The following KCND2 variants were observed in gnomAD, a reference collection of about 807,000 sequenced individuals.
The protein encoded by KCND2 is potassium voltage-gated channel subfamily D member 2.
KCND2 carries 16 observed loss-of-function variants against 54.4 expected under a neutral mutation model. The ratio of observed to expected loss-of-function variants is 0.29; its 90% CI spans 0.20 to 0.45. The LOEUF (loss-of-function observed/expected upper bound fraction) is 0.45, where lower values mean the gene tolerates loss of function less well. Ranked by LOEUF, KCND2 falls within the 20% of genes least tolerant of loss-of-function variation. KCND2 has a pLI of 1.00. For missense variants in KCND2, 486 were observed against 824.2 expected, an observed-to-expected ratio of 0.59 and a Z score of 5.02; for synonymous variants, 317 against 310.7, an observed-to-expected ratio of 1.02 and a Z score of -0.21.
At chr7:120,511,463 G>GAA (rs1198720420) in intron 1 of KCND2, among the ~76,000 whole-genome samples, 3 of 152,056 alleles carry the variant, frequency 2.0e-5, no homozygotes, top group African/African-American at 7.2e-5. Context: ...GATATTTGCT[G>GAA]AATGAATAAT....
intron 1 of KCND2, among the ~76,000 whole-genome samples, chr7:120,732,229 G>A (rs1584900153): frequency 6.6e-6 from 1 of 152,152 alleles, no homozygotes; most frequent in East Asian, 1.9e-4. Context: ...AAGGGGAAAG[G>A]AGGCAGAAAA....
intron 1 of KCND2, among the ~76,000 whole-genome samples, chr7:120,617,204 C>G (rs1372307295): frequency 6.6e-6 from 1 of 152,126 alleles, no homozygotes; most frequent in Non-Finnish European, 1.5e-5. Context: ...CATCACATTC[C>G]TCTGGATGAC....
intron 1 of KCND2, among the ~76,000 whole-genome samples, chr7:120,459,871 C>T (rs145524920): frequency 6.5e-4 from 99 of 152,302 alleles, no homozygotes; most frequent in Non-Finnish European, 1.1e-3. Context: ...TCTTCTTCTT[C>T]CCAAAGTAAA....
At chr7:120,648,416 A>T (rs1394009832) in intron 1 of KCND2, among the ~76,000 whole-genome samples, 1 of 152,146 alleles carries the variant, frequency 6.6e-6, no homozygotes, top group Admixed American at 6.6e-5. Context: ...AAAATGAAGG[A>T]ATATATGCTA....
intron 1 of KCND2, among the ~76,000 whole-genome samples, chr7:120,459,921 G>A (rs1027308906): frequency 6.6e-6 from 1 of 152,142 alleles, no homozygotes; most frequent in Non-Finnish European, 1.5e-5. Flanking sequence ...AAATATCAGA[G>A]AACATAGAAG....
intron 1 of KCND2, among the ~76,000 whole-genome samples, chr7:120,681,367 A>C (rs779220525): frequency 1.8e-4 from 28 of 152,038 alleles, no homozygotes; most frequent in Non-Finnish European, 3.7e-4. Context: ...ATTGATAGTA[A>C]GGATGATTTT....
chr7:120,301,666 T>C (rs1228187932), intron 1 of KCND2, among the ~76,000 whole-genome samples: 1 of 152,192 alleles, frequency 6.6e-6, no homozygotes, highest in African/African-American at 2.4e-5. Context: ...CCACAAAATA[T>C]ACGAAAATTT....
In KCND2 at chr7:120,678,967, C is replaced by T. The variant is rs551032469; in HGVS notation, c.1116-53936C>T. Among the ~76,000 whole-genome samples the T allele has an allele frequency of 3.3e-5, 5 of 151,524 alleles. No individual in the cohort carries two copies. The East Asian group carries it at 9.7e-4, about 29-fold the overall frequency. ...CTAAAATATTGATATTGCTCTTAAA[C>T]ATTAAACTCTTCGAAGATACTAAAT... On this transcript the variant is annotated intron_variant, in intron 1 of 5. Transcript: ENST00000331113.
chr7:120,566,343 C>CT (rs571325177), intron 1 of KCND2, among the ~76,000 whole-genome samples: 14 of 150,842 alleles, frequency 9.3e-5, no homozygotes, highest in Admixed American at 1.3e-4. Flanking sequence ...GATATTTTGC[C>CT]TTTTTTTTTC....
At chr7:120,552,366 G>A (rs1469133697) in intron 1 of KCND2, among the ~76,000 whole-genome samples, 1 of 152,178 alleles carries the variant, frequency 6.6e-6, no homozygotes, top group Non-Finnish European at 1.5e-5. Context: ...AGGGGAGGAA[G>A]TATATATTTT....
intron 1 of KCND2, among the ~76,000 whole-genome samples, chr7:120,550,315 G>A (rs1312062926): frequency 1.3e-5 from 2 of 151,862 alleles, no homozygotes; most frequent in African/African-American, 2.4e-5. Flanking sequence ...ACCAATGGGG[G>A]AAAAAAATGA....
intron 1 of KCND2, among the ~76,000 whole-genome samples, chr7:120,530,127 C>T (rs1791824877): frequency 6.6e-6 from 1 of 152,056 alleles, no homozygotes; most frequent in African/African-American, 2.4e-5. Flanking sequence ...CATAGCACAA[C>T]AGATTGACTA....
At chr7:120,395,652 G>T (rs10225134) in intron 1 of KCND2, among the ~76,000 whole-genome samples, 48,955 of 151,880 alleles carry the variant, frequency 0.32, 10,907 homozygotes, top group African/African-American at 0.62. Flanking sequence ...TATATGCTAA[G>T]TAAGAGGCAG....
rs990997352 is a variant in KCND2, at chr7:120,274,365, A to C, written c.-268A>C. 37 of 566,622 alleles carry C rather than the reference A, an allele frequency of 6.5e-5. 1 individual carries two copies. The East Asian group carries it at 1.1e-3, about 17-fold the overall frequency. The allele number at this position is 566,622 out of a possible 1,614,324, so 35.1% of individuals were successfully genotyped here. A position where few individuals can be genotyped will look rare whatever the true frequency, so the allele number is the denominator to read the frequency against. On this transcript the variant is annotated 5_prime_UTR_variant, in exon 1 of 6. Coordinates refer to ENST00000331113, the MANE Select transcript of KCND2 (RefSeq NM_012281.3). ...CCAGAGGGTGGCCTAGCCCACCTGC[A>C]GGAAGAGATTTGGCTGGGTTCTGTT...
At chr7:120,502,159 C>A (rs73437825) in intron 1 of KCND2, among the ~76,000 whole-genome samples, 7,987 of 152,018 alleles carry the variant, frequency 0.053, 718 homozygotes, top group African/African-American at 0.18. Context: ...CAAACTCGGT[C>A]CCATATAATA....
chr7:120,459,696 T>C lies in KCND2; in HGVS notation c.1115+183949T>C, dbSNP rs557473914. On this transcript the variant is annotated intron_variant, in intron 1 of 5. Coordinates refer to ENST00000331113, the MANE Select transcript of KCND2 (RefSeq NM_012281.3). Reference sequence around the variant, plus strand: ...TTGAATAATAAGCGTCTACCAGTTATGTGAACAGACCCCAAATGAAGGATA... The same window carrying C: ...TTGAATAATAAGCGTCTACCAGTTACGTGAACAGACCCCAAATGAAGGATA... Among the ~76,000 whole-genome samples the C allele has an allele frequency of 2.0e-4, 30 of 152,326 alleles. No homozygotes were observed. The South Asian group carries it at 6.2e-3, about 32-fold the overall frequency.
intron 2 of KCND2, among the ~76,000 whole-genome samples, chr7:120,740,547 C>T (rs778066223): frequency 7.9e-5 from 12 of 151,992 alleles, no homozygotes; most frequent in African/African-American, 2.4e-4. Context: ...GAAGGGAAAA[C>T]GAGACTGTTT....
chr7:120,373,046 A>G (rs954789154), intron 1 of KCND2, among the ~76,000 whole-genome samples: 1 of 151,872 alleles, frequency 6.6e-6, no homozygotes, highest in African/African-American at 2.4e-5. Context: ...GATACCTTTC[A>G]GTGACTTGTG....
intron 1 of KCND2, among the ~76,000 whole-genome samples, chr7:120,342,752 CATATA>C (rs1416156142): frequency 6.6e-6 from 1 of 151,918 alleles, no homozygotes; most frequent in Non-Finnish European, 1.5e-5. Flanking sequence ...TAATAGAATG[CATATA>C]ATATAATAAT....
Sources: gnomAD v4.1 joint callset for allele counts (sites outside exome capture counted in the v4.1 genomes callset) on GRCh38, gnomAD v4.1.1 for gene constraint, MANE v1.5 for transcripts, NCBI Gene and HGNC (gene_info 2026-07-23, HGNC 2026-07-21) for gene names.